Variants in MACROD1 observed in about 807,000 individuals in gnomAD.
MACROD1 encodes the protein mono-ADP ribosylhydrolase 1, also known as ADP-ribose glycohydrolase MACROD1.
MACROD1 carries 31 observed loss-of-function variants against 41.4 expected under a neutral mutation model. The observed-to-expected ratio is 0.75, with a 90% confidence interval of 0.56 to 1.01. The LOEUF (loss-of-function observed/expected upper bound fraction) is 1.01, where lower values mean the gene tolerates loss of function less well. MACROD1 is among the 50% of genes least tolerant of loss of function. MACROD1 has a pLI of 0.00. For missense variants in MACROD1, 473 were observed against 460.0 expected, an observed-to-expected ratio of 1.03 and a Z score of -0.26; for synonymous variants, 252 against 203.4, an observed-to-expected ratio of 1.24 and a Z score of -2.03.
Position 64,036,369 on chromosome 11 carries a change from G to A in MACROD1, c.518-21088C>T, listed in dbSNP as rs1943380184. On this transcript the variant is annotated intron_variant, in intron 3 of 10. Transcript: ENST00000255681. The surrounding 1 kb of genome is among the most constrained non-coding windows in gnomAD (Gnocchi z 5.6). The stretch of plus-strand genomic sequence containing the variant: ...AGTCAAGAGCCAAGCACCAGTAGCG[G>A]TGGCGCTGGCCCCGCCGCGGGGAGG... 6.6e-6 allele frequency among the ~76,000 whole-genome samples: 1 copy of A among 152,146 alleles called. No homozygotes were observed. Among genetic ancestry groups the A allele is most frequent in the Non-Finnish European group, 1.5e-5 (1 of 67,998 alleles).
At chr11:64,050,265 G>A (rs1590839735) in intron 3 of MACROD1, among the ~76,000 whole-genome samples, 1 of 152,142 alleles carries the variant, frequency 6.6e-6, no homozygotes, top group South Asian at 2.1e-4. Context: ...CTGAGACCCC[G>A]AGAGATGAGT....
chr11:64,040,876 G>C (rs1287618133), intron 3 of MACROD1, among the ~76,000 whole-genome samples: 1 of 152,084 alleles, frequency 6.6e-6, no homozygotes, highest in Non-Finnish European at 1.5e-5. Context: ...CTGCCTCCCA[G>C]GCAGACCGCA....
At chr11:64,150,401 T>C (rs1326762235) in intron 3 of MACROD1, among the ~76,000 whole-genome samples, 5 of 151,898 alleles carry the variant, frequency 3.3e-5, no homozygotes, top group Non-Finnish European at 7.4e-5. Flanking sequence ...CACAGCAGGG[T>C]TTTCCCTGTG....
chr11:64,031,472 C>T (rs1458726906), intron 3 of MACROD1, among the ~76,000 whole-genome samples: 23 of 123,902 alleles, frequency 1.9e-4, no homozygotes, highest in African/African-American at 6.9e-4. Flanking sequence ...GCCTGCCTGC[C>T]TTCCTTTTTT....
intron 3 of MACROD1, among the ~76,000 whole-genome samples, chr11:64,108,870 C>G (rs1372050661): frequency 1.3e-5 from 2 of 152,100 alleles, no homozygotes; most frequent in Non-Finnish European, 2.9e-5. Context: ...TCTGCAGCAA[C>G]CACACACCAG....
intron 3 of MACROD1, among the ~76,000 whole-genome samples, chr11:64,130,922 C>T (rs1426698602): frequency 6.6e-6 from 1 of 152,190 alleles, no homozygotes. Flanking sequence ...AAGCCTGGGA[C>T]GAGATGAAAT....
chr11:64,030,460 T>C (rs1313793441), intron 3 of MACROD1, among the ~76,000 whole-genome samples: 1 of 152,050 alleles, frequency 6.6e-6, no homozygotes, highest in Non-Finnish European at 1.5e-5. Context: ...GGAACCCAAA[T>C]AGGCCCGGCT....
rs984111521 is a variant in MACROD1, at chr11:64,090,530, C to G, written c.517+60709G>C. On this transcript the variant is annotated intron_variant, in intron 3 of 10. Coordinates refer to ENST00000255681, the MANE Select transcript of MACROD1 (RefSeq NM_014067.4). This position sits in a 1 kb window ranked among gnomAD's most constrained non-coding sequence, Gnocchi z 4.7. ...TTGCTTCCCCGGGCCCTCCCTCGAC[C>G]GGCTCTGCCTGCTCACAGGTGGCTG... Among the ~76,000 whole-genome samples the G allele has an allele frequency of 6.6e-6, 1 of 152,082 alleles. No individual in the cohort carries two copies. The highest frequency in any genetic ancestry group is 1.5e-5 in the Non-Finnish European group (1 of 68,008).
chr11:64,126,408 T>C (rs1397596166), intron 3 of MACROD1, among the ~76,000 whole-genome samples: 5 of 150,368 alleles, frequency 3.3e-5, no homozygotes, highest in Admixed American at 3.3e-4. Flanking sequence ...GAGAGAGAGG[T>C]GCTTGTGGGA....
At chr11:64,108,268 G>A (rs542449708) in intron 3 of MACROD1, among the ~76,000 whole-genome samples, 5 of 150,798 alleles carry the variant, frequency 3.3e-5, no homozygotes, top group African/African-American at 1.2e-4. Flanking sequence ...AGCCAAGATC[G>A]TACCATTGCA....
At chr11:64,044,047 C>G (rs528136315) in intron 3 of MACROD1, among the ~76,000 whole-genome samples, 14 of 152,016 alleles carry the variant, frequency 9.2e-5, no homozygotes, top group Non-Finnish European at 2.1e-4. Flanking sequence ...ACTCCTGACC[C>G]TCAGGTGATC....
intron 3 of MACROD1, chr11:64,117,974 C>T: frequency 6.2e-7 from 1 of 1,613,806 alleles, no homozygotes; most frequent in Non-Finnish European, 8.5e-7. Flanking sequence ...TCTTCCTGGT[C>T]CTGGGGGCCA....
chr11:64,012,684 C>G (rs1943031661), intron 4 of MACROD1, among the ~76,000 whole-genome samples: 1 of 152,164 alleles, frequency 6.6e-6, no homozygotes, highest in Non-Finnish European at 1.5e-5. Flanking sequence ...CAGGTGTGAG[C>G]CACCGCTCCT....
chr11:64,035,728 C>CCCCT (rs1943364017), intron 3 of MACROD1, among the ~76,000 whole-genome samples: 6 of 1,226 alleles, frequency 4.9e-3, no homozygotes, highest in Admixed American at 0.035. Context: ...CCTCCCCCTC[C>CCCCT]CCTCCTCCTC....
At position 64,067,069 on chromosome 11, in the gene MACROD1, C is replaced by T. The variant is rs569648175; in HGVS notation, c.518-51788G>A. 2.7e-4 allele frequency among the ~76,000 whole-genome samples: 41 copies of T among 152,168 alleles called. No homozygotes were observed. The highest frequency in any genetic ancestry group is 9.4e-4 in the African/African-American group (39 of 41,532). ...ACCCCCCATGCCCAATGTCCTGGCTCATTTGGGTAAACTAAGGCCTGGCAG... is the reference window on the plus strand; with the variant it reads ...ACCCCCCATGCCCAATGTCCTGGCTTATTTGGGTAAACTAAGGCCTGGCAG... On this transcript the variant is annotated intron_variant, in intron 3 of 10. Coordinates refer to ENST00000255681, the MANE Select transcript of MACROD1 (RefSeq NM_014067.4). This position sits in a 1 kb window ranked among gnomAD's most constrained non-coding sequence, Gnocchi z 4.6.
chr11:64,135,343 C>T (rs1945317895), intron 3 of MACROD1, among the ~76,000 whole-genome samples: 1 of 152,230 alleles, frequency 6.6e-6, no homozygotes, highest in South Asian at 2.1e-4. Context: ...GTCCCCCTTT[C>T]CAACTACAAC....
rs1463713026 is a variant in MACROD1 at position 64,120,396 on chromosome 11, G to A, written c.517+30843C>T. Among the ~76,000 whole-genome samples the A allele has an allele frequency of 6.6e-6, 1 of 152,206 alleles. No individual in the cohort carries two copies. The highest frequency in any genetic ancestry group is 2.4e-5 in the African/African-American group (1 of 41,446). On this transcript the variant is annotated intron_variant, in intron 3 of 10. Transcript: ENST00000255681. This position sits in a 1 kb window ranked among gnomAD's most constrained non-coding sequence, Gnocchi z 4.5. ...CCTTAATGTCAGGTCTGTATAAAAG[G>A]CAGCCCCAGGCCGGGTGCAGTGGCT...
chr11:64,015,194 C>G, intron 4 of MACROD1, 58 bp downstream of exon 4: 1 of 1,513,386 alleles, frequency 6.6e-7, no homozygotes, highest in Non-Finnish European at 8.9e-7. Context: ...AGGGGAGGAG[C>G]AGACCCAGCA....
At chr11:64,110,242 G>A (rs778778783) in intron 3 of MACROD1, among the ~76,000 whole-genome samples, 15 of 152,086 alleles carry the variant, frequency 9.9e-5, no homozygotes, top group Non-Finnish European at 1.8e-4. Context: ...TTGAGCCTAG[G>A]AGTTCAAGAC....
Sources: allele counts gnomAD v4.1 joint callset (sites outside exome capture counted in the v4.1 genomes callset), GRCh38; gene constraint gnomAD v4.1.1; non-coding constraint Gnocchi (gnomAD v3.1); transcripts MANE v1.5; gene names NCBI Gene and HGNC (gene_info 2026-07-23, HGNC 2026-07-21).